BMP2K: variants seen among roughly 807,000 people sequenced by gnomAD.
BMP2K encodes BMP2 inducible kinase.
In BMP2K, 74 loss-of-function variants were observed where a neutral mutation model predicts 116.0. That is an observed-to-expected ratio of 0.64 (90% CI 0.53 to 0.77). BMP2K has a LOEUF of 0.77. BMP2K is among the 30% of genes least tolerant of loss of function. The pLI, the probability that BMP2K is intolerant of heterozygous loss-of-function variation, is 0.00. For synonymous variants in BMP2K, 486 were observed against 502.5 expected (o/e 0.97, Z 0.44); for missense variants, 1,365 against 1,403.6 (o/e 0.97, Z 0.44).
At chr4:78,781,940 A>G (rs1251620112) in intron 1 of BMP2K, among the ~76,000 whole-genome samples, 1 of 152,196 alleles carries the variant, frequency 6.6e-6, no homozygotes, top group African/African-American at 2.4e-5. Context: ...ACTTGAGAGT[A>G]TTTCAAGAAG....
At chr4:78,845,911 G>T (rs1730977423) in intron 5 of BMP2K, among the ~76,000 whole-genome samples, 1 of 151,506 alleles carries the variant, frequency 6.6e-6, no homozygotes, top group African/African-American at 2.4e-5. Context: ...TACTACTCAG[G>T]AAACTTAGCC....
chr4:78,895,344 T>G (rs540132603), intron 15 of BMP2K, among the ~76,000 whole-genome samples: 161 of 152,338 alleles, frequency 1.1e-3, no homozygotes, highest in African/African-American at 3.7e-3. Context: ...CAGATTTCTC[T>G]GCAAACACAG....
At chr4:78,890,404 GCACA>G (rs149825379) in intron 15 of BMP2K, among the ~76,000 whole-genome samples, 470 of 148,050 alleles carry the variant, frequency 3.2e-3, no homozygotes, top group African/African-American at 0.011. Flanking sequence ...ACAATCATGC[GCACA>G]CACACACACA....
chr4:78,833,028 C>T (rs913761694), intron 2 of BMP2K, among the ~76,000 whole-genome samples: 1 of 151,926 alleles, frequency 6.6e-6, no homozygotes, highest in Non-Finnish European at 1.5e-5. Context: ...ACAAAAGTTT[C>T]AGATGTTTCA....
chr4:78,872,303 C>CT (rs34599936), intron 12 of BMP2K: 37,999 of 91,506 alleles, frequency 0.42, 13,066 homozygotes, highest in Non-Finnish European at 0.57. Context: ...ATAATTTGAC[C>CT]TTTTTTTTTT....
intron 15 of BMP2K, among the ~76,000 whole-genome samples, chr4:78,894,338 G>A (rs1393681911): frequency 6.6e-6 from 1 of 152,186 alleles, no homozygotes; most frequent in African/African-American, 2.4e-5. Flanking sequence ...TTTCTGTATT[G>A]AAAATCTGTT....
intron 5 of BMP2K, among the ~76,000 whole-genome samples, chr4:78,846,868 G>A (rs568965212): frequency 7.4e-4 from 112 of 151,498 alleles, no homozygotes; most frequent in African/African-American, 2.5e-3. Context: ...TAGCCAAATT[G>A]TGTTATTTCA....
rs1296642197 is a variant in BMP2K at position 78,776,602 on chromosome 4, GTGGCGGGGC to G, written c.69_77del (p.Gly25_Gly27del). ...GGCGGCAGCGGCGGCGGAGCGGCGGGTGGCGGGGCTGGCGGGGCCGGGGCCGGGGCCGGC... is the reference window on the plus strand; with the variant it reads ...GGCGGCAGCGGCGGCGGAGCGGCGGGTGGCGGGGCCGGGGCCGGGGCCGGC... On this transcript the variant is annotated inframe_deletion, in exon 1 of 16. Coordinates refer to ENST00000502613, the MANE Select transcript of BMP2K (RefSeq NM_198892.2). The G allele has an allele frequency of 1.7e-6, 2 of 1,186,986 alleles. No individual in the cohort carries two copies. Among genetic ancestry groups the G allele is most frequent in the Non-Finnish European group, 2.1e-6 (2 of 955,268 alleles). The allele number at this position is 1,186,986 out of a possible 1,614,324, so 73.5% of individuals were successfully genotyped here.
chr4:78,834,715 T>C lies in BMP2K; in HGVS notation c.403+1028T>C, dbSNP rs563346560. On this transcript the variant is annotated intron_variant, in intron 3 of 15. Coordinates refer to ENST00000502613, the MANE Select transcript of BMP2K (RefSeq NM_198892.2). Reference sequence around the variant, plus strand: ...TGTTAATTACTATCCCAGAAACTCTTACAGTTTCCTGAAGGTTGCGGAAAA... The same window carrying C: ...TGTTAATTACTATCCCAGAAACTCTCACAGTTTCCTGAAGGTTGCGGAAAA... Among the ~76,000 whole-genome samples, 6 of 152,296 alleles carry C rather than the reference T, an allele frequency of 3.9e-5. No homozygotes were observed. The South Asian group carries it at 1.2e-3, about 32-fold the overall frequency.
chr4:78,798,489 A>G (rs1728406800), intron 1 of BMP2K, among the ~76,000 whole-genome samples: 1 of 152,088 alleles, frequency 6.6e-6, no homozygotes, highest in African/African-American at 2.4e-5. Context: ...AAAACAAATT[A>G]TTTTACTCTG....
intron 13 of BMP2K, among the ~76,000 whole-genome samples, chr4:78,874,414 C>T (rs1577949139): frequency 6.6e-6 from 1 of 151,700 alleles, no homozygotes; most frequent in Non-Finnish European, 1.5e-5. Context: ...TTGCTAAGTC[C>T]CCTAGTGATA....
At chr4:78,858,099 A>G (rs1354257550) in intron 7 of BMP2K, among the ~76,000 whole-genome samples, 1 of 152,002 alleles carries the variant, frequency 6.6e-6, no homozygotes, top group Non-Finnish European at 1.5e-5. Context: ...TTGAAATTAG[A>G]TTTTAAAAGC....
chr4:78,780,095 C>A (rs1727433187), intron 1 of BMP2K, among the ~76,000 whole-genome samples: 1 of 152,152 alleles, frequency 6.6e-6, no homozygotes, highest in Non-Finnish European at 1.5e-5. Flanking sequence ...GGCTTGTTGA[C>A]CACATGCATC....
At chr4:78,905,059 A>C (rs1734219712) in intron 15 of BMP2K, among the ~76,000 whole-genome samples, 1 of 151,788 alleles carries the variant, frequency 6.6e-6, no homozygotes, top group South Asian at 2.1e-4. Flanking sequence ...ATTTTTTTTC[A>C]CTAAAAATCT....
intron 15 of BMP2K, among the ~76,000 whole-genome samples, chr4:78,895,443 TGATTA>T (rs752838257): frequency 6.6e-5 from 10 of 152,208 alleles, no homozygotes; most frequent in Non-Finnish European, 1.3e-4. Context: ...AAAAGTGTTT[TGATTA>T]AAGGTTGAAA....
chr4:78,872,652 G>A lies in BMP2K; in HGVS notation c.1647G>A (p.Met549Ile). 1 of 1,614,052 alleles carries A rather than the reference G, an allele frequency of 6.2e-7. No homozygotes were observed. The highest frequency in any genetic ancestry group is 1.1e-5 in the South Asian group (1 of 91,074). ...QYQQAFFQQQ[M>I]LAQHQPSQQQ... is the part of the protein sequence containing the mutation. The stretch of plus-strand genomic sequence containing the variant: ...AGCAGGCTTTCTTTCAACAGCAGAT[G>A]CTAGCTCAACATCAGCCGTCTCAAC... Residue 549 changes from methionine to isoleucine, a missense_variant, in exon 13 of 16, where the codon ATG (methionine) becomes ATA (isoleucine). Met to Ile is a conservative substitution (Grantham distance 10). Around this residue, in one of 3 missense-constraint regions of BMP2K, gnomAD observed 762 missense variants for 756.7 expected, o/e 1.01. Transcript: ENST00000502613.
intron 1 of BMP2K, among the ~76,000 whole-genome samples, chr4:78,806,234 C>T (rs1377480648): frequency 6.6e-6 from 1 of 151,988 alleles, no homozygotes; most frequent in Non-Finnish European, 1.5e-5. Flanking sequence ...CTGTGTTGCC[C>T]AGGCTGAAGT....
chr4:78,815,004 C>T (rs1729266092), intron 1 of BMP2K, among the ~76,000 whole-genome samples: 1 of 151,996 alleles, frequency 6.6e-6, no homozygotes, highest in Non-Finnish European at 1.5e-5. Flanking sequence ...GATGAACACT[C>T]CAACTTTAAG....
chr4:78,794,862 G>A lies in BMP2K; in HGVS notation c.178+18141G>A, dbSNP rs77583761. Among the ~76,000 whole-genome samples, 1,208 of 152,252 alleles carry A rather than the reference G, an allele frequency of 7.9e-3. 13 individuals are homozygous for A. Among genetic ancestry groups the A allele is most frequent in the African/African-American group, 0.027 (1,120 of 41,570 alleles). On this transcript the variant is annotated intron_variant, in intron 1 of 15. Coordinates refer to ENST00000502613, the MANE Select transcript of BMP2K (RefSeq NM_198892.2). ...ACAGGTGTGAGCCACCATGCCAGCC[G>A]TCATAAAGTTATGGGATGTTTGATT...
Sources: gnomAD v4.1 joint callset for allele counts (sites outside exome capture counted in the v4.1 genomes callset) on GRCh38, gnomAD v4.1.1 for gene constraint, gnomAD v4.1.1 regional missense constraint, MANE v1.5 for transcripts, NCBI Gene and HGNC (gene_info 2026-07-23, HGNC 2026-07-21) for gene names.